STARD13: variants seen among roughly 807,000 people sequenced by gnomAD.
STARD13 encodes stAR-related lipid transfer protein 13.
Under a neutral mutation model 106.4 loss-of-function variants are expected in STARD13, and 62 were observed. The observed-to-expected ratio is 0.58, with a 90% CI of 0.48 to 0.72. The LOEUF (loss-of-function observed/expected upper bound fraction) is 0.72, where lower values mean the gene tolerates loss of function less well. Among genes scored for constraint, STARD13 ranks in the 30% least tolerant of loss-of-function variants. The probability of loss-of-function intolerance (pLI) is 0.00; values close to 1 mark genes in which losing one functional copy is unlikely to be tolerated. For missense variants in STARD13, 1,387 were observed against 1,424.0 expected, an observed-to-expected ratio of 0.97 and a Z score of 0.42; for synonymous variants, 565 against 553.0, an observed-to-expected ratio of 1.02 and a Z score of -0.31.
chr13:33,431,349 T>G, the STARD13 span, among the ~76,000 whole-genome samples: 4 of 152,178 alleles, frequency 2.6e-5, 1 homozygote, highest in African/African-American at 9.7e-5. Context: ...TTTGATTATA[T>G]GTTAAAATGA....
chr13:33,292,342 G>T (rs2138435933), intron 1 of STARD13, among the ~76,000 whole-genome samples: 1 of 151,922 alleles, frequency 6.6e-6, no homozygotes, highest in East Asian at 1.9e-4. Flanking sequence ...GAATCAGCAG[G>T]CCTGTAATCC....
At chr13:33,254,206 C>T (rs1890226389) in intron 1 of STARD13, among the ~76,000 whole-genome samples, 2 of 152,150 alleles carry the variant, frequency 1.3e-5, no homozygotes, top group Non-Finnish European at 2.9e-5. Context: ...GTCAGAGGCA[C>T]AGCATGAGGT....
At chr13:33,205,929 T>A in intron 1 of STARD13, 1 of 983,826 alleles carries the variant, frequency 1.0e-6, no homozygotes, top group Non-Finnish European at 1.2e-6. Flanking sequence ...TGACAGATGG[T>A]GCATCTGTCA....
In STARD13 at chr13:33,168,838, G is replaced by A. The variant is rs531799203; in HGVS notation, c.170-1216C>T. Among the ~76,000 whole-genome samples the A allele has an allele frequency of 2.2e-3, 333 of 152,294 alleles. 1 individual carries two copies. Among genetic ancestry groups the A allele is most frequent in the African/African-American group, 7.5e-3 (312 of 41,560 alleles). ...CTATTTGGTATATGTTAGGAAAATAGACCAAAGGCCAGATCTTACTCAGGC... is the reference window on the plus strand; with the variant it reads ...CTATTTGGTATATGTTAGGAAAATAAACCAAAGGCCAGATCTTACTCAGGC... On this transcript the variant is annotated intron_variant, in intron 1 of 13. Transcript: ENST00000336934.
the STARD13 span, among the ~76,000 whole-genome samples, chr13:33,639,355 T>C: frequency 6.6e-6 from 1 of 152,290 alleles, no homozygotes; most frequent in East Asian, 1.9e-4. Context: ...GCCAGGGCTG[T>C]CTGGGAGACG....
At chr13:33,318,668 A>G (rs981466399) in intron 1 of STARD13, among the ~76,000 whole-genome samples, 13 of 152,190 alleles carry the variant, frequency 8.5e-5, no homozygotes, top group Admixed American at 1.3e-4. Context: ...CAAATCATGT[A>G]TCTGATAAGA....
intron 1 of STARD13, among the ~76,000 whole-genome samples, chr13:33,227,196 C>G (rs1888670974): frequency 6.6e-6 from 1 of 152,202 alleles, no homozygotes; most frequent in South Asian, 2.1e-4. Flanking sequence ...AACATCAGAT[C>G]TCTAGCCATA....
rs1378150544 is a variant in STARD13 at position 33,341,718 on chromosome 13, G to A, written c.124+8572C>T. ...TTCTTTTTTCCAATTCAAGGAGGAC[G>A]CTGTATTGCCCCCCAGGGTGGGCCA... On this transcript the variant is annotated intron_variant, in intron 1 of 5. Transcript: ENST00000567873. Among the ~76,000 whole-genome samples the A allele has an allele frequency of 2.6e-5, 4 of 152,102 alleles. No individual in the cohort carries two copies. In the East Asian group the frequency reaches 7.7e-4, roughly 29 times the overall value.
At chr13:33,646,782 AT>A in the STARD13 span, among the ~76,000 whole-genome samples, 1 of 152,172 alleles carries the variant, frequency 6.6e-6, no homozygotes, top group Non-Finnish European at 1.5e-5. Context: ...CAAAATTCAA[AT>A]CAGTGAAATG....
intron 1 of STARD13, among the ~76,000 whole-genome samples, chr13:33,203,340 C>A (rs1887186011): frequency 6.6e-6 from 1 of 152,190 alleles, no homozygotes; most frequent in African/African-American, 2.4e-5. Context: ...TCACTCCTAT[C>A]TTTTCATATC....
chr13:33,147,519 T>C (rs1880711233), intron 3 of STARD13, among the ~76,000 whole-genome samples: 1 of 152,214 alleles, frequency 6.6e-6, no homozygotes, highest in Admixed American at 6.5e-5. Flanking sequence ...CTAAATTAAC[T>C]GAGTAGATAC....
At chr13:33,110,577 G>A (rs1874386992) in intron 11 of STARD13, 109 bp downstream of exon 11, 7 of 882,942 alleles carry the variant, frequency 7.9e-6, no homozygotes, top group South Asian at 1.5e-5. Flanking sequence ...AACTGTCCGC[G>A]TGTGTGCCAA....
intron 1 of STARD13, among the ~76,000 whole-genome samples, chr13:33,282,697 AT>A (rs942828829): frequency 1.4e-4 from 22 of 152,232 alleles, no homozygotes; most frequent in Middle Eastern, 3.2e-3. Context: ...TAATGCTGTC[AT>A]TAATTTTATT....
intron 1 of STARD13, among the ~76,000 whole-genome samples, chr13:33,340,087 GACA>G (rs1284961503): frequency 6.6e-6 from 1 of 152,166 alleles, no homozygotes; most frequent in African/African-American, 2.4e-5. Flanking sequence ...GTGTCATTGT[GACA>G]ACATGTATGC....
the STARD13 span, among the ~76,000 whole-genome samples, chr13:33,625,965 G>A: frequency 3.9e-5 from 6 of 152,182 alleles, no homozygotes; most frequent in Non-Finnish European, 7.3e-5. Context: ...CTCCCAACAA[G>A]AGAATTCTTA....
the STARD13 span, among the ~76,000 whole-genome samples, chr13:33,651,494 T>C: frequency 2.0e-5 from 3 of 152,348 alleles, no homozygotes; most frequent in South Asian, 6.2e-4. Context: ...CTGTCATTCT[T>C]AAAAATATCT....
chr13:33,543,184 T>A, the STARD13 span, among the ~76,000 whole-genome samples: 3 of 152,228 alleles, frequency 2.0e-5, no homozygotes, highest in Non-Finnish European at 4.4e-5. Context: ...GACCCTGTAT[T>A]AATTGCCTGG....
intron 1 of STARD13, among the ~76,000 whole-genome samples, chr13:33,248,870 G>C (rs1213262027): frequency 2.0e-5 from 3 of 152,080 alleles, no homozygotes; most frequent in Non-Finnish European, 4.4e-5. Context: ...TTAGATTTTA[G>C]GGTGGCAAGT....
At chr13:33,461,038 C>T in the STARD13 span, among the ~76,000 whole-genome samples, 2 of 152,096 alleles carry the variant, frequency 1.3e-5, no homozygotes, top group Admixed American at 1.3e-4. Flanking sequence ...AAAATGCAAA[C>T]TAGTGTTCCG....
Sources: gnomAD v4.1 joint callset for allele counts (sites outside exome capture counted in the v4.1 genomes callset) on GRCh38, gnomAD v4.1.1 for gene constraint, MANE v1.5 for transcripts, NCBI Gene and HGNC (gene_info 2026-07-23, HGNC 2026-07-21) for gene names.